Variants in C3 observed in about 807,000 individuals in gnomAD.
C3 encodes the protein complement C3.
Under a neutral mutation model 207.9 loss-of-function variants are expected in C3, and 97 were observed. That is an observed-to-expected ratio of 0.47 (90% CI 0.40 to 0.55). The LOEUF is 0.55. Ranked by LOEUF, C3 falls within the 20% of genes least tolerant of loss-of-function variation. The pLI is 0.00. For synonymous variants in C3, 848 were observed against 857.6 expected, an observed-to-expected ratio of 0.99 and a Z score of 0.20; for missense variants, 1,684 against 2,171.7, an observed-to-expected ratio of 0.78 and a Z score of 4.46.
Position 6,693,096 on chromosome 19 carries a change from C to T in C3, c.3231-13G>A, listed in dbSNP as rs762289151. The T allele has an allele frequency of 6.2e-7, 1 of 1,613,778 alleles. No homozygotes were observed. The highest frequency in any genetic ancestry group is 8.5e-7 in the Non-Finnish European group (1 of 1,179,936). On this transcript the variant is annotated splice_polypyrimidine_tract_variant and intron_variant, in intron 25 of 40. Transcript: ENST00000245907. ...GTAGGCGGTCAGCCTGGAGTGGGCACAGAGCATGAGCCAATCGGCTCTGAG... is the reference window on the plus strand; with the variant it reads ...GTAGGCGGTCAGCCTGGAGTGGGCATAGAGCATGAGCCAATCGGCTCTGAG...
In C3 at chr19:6,700,405, TG is replaced by T. The variant is rs1488310528; in HGVS notation, c.2440+1721del. Among the ~76,000 whole-genome samples the T allele has an allele frequency of 5.7e-5, 3 of 52,430 alleles. 1 individual carries two copies. The highest frequency in any genetic ancestry group is 8.3e-5 in the Non-Finnish European group (3 of 36,222). The allele number at this position is 52,430 out of a possible 152,430, so 34.4% of individuals were successfully genotyped here. On this transcript the variant is annotated intron_variant, in intron 19 of 40. Coordinates refer to ENST00000245907, the MANE Select transcript of C3 (RefSeq NM_000064.4). ...TGTAATATATGATATATATGTAATA[TG>T]ATATATTATATATGTAATATATGAT...
intron 4 of C3, 45 bp from the exon 5 acceptor site, chr19:6,714,491 G>C (rs376279783): frequency 7.2e-7 from 1 of 1,395,508 alleles, no homozygotes; most frequent in African/African-American, 1.4e-5. Flanking sequence ...GTGGCTCTTC[G>C]GAGGCTGGGC....
chr19:6,679,627 C>G lies in C3; in HGVS notation c.4457-131G>C, dbSNP rs911329088. On this transcript the variant is annotated intron_variant, in intron 36 of 40. Transcript: ENST00000245907. ...TAGGTCTTCAACCCCTCAGATCCCT[C>G]AGACCCCAAGACCCCCTCTACTTTC... The G allele has an allele frequency of 4.1e-6, 3 of 736,874 alleles. No homozygotes were observed. In the African/African-American group the frequency reaches 5.2e-5, roughly 13 times the overall value. 45.6% of individuals were successfully genotyped at this position (736,874 alleles called of 1,614,324 possible).
At chr19:6,710,118 G>C (rs1176879726) in intron 13 of C3, among the ~76,000 whole-genome samples, 1 of 140,784 alleles carries the variant, frequency 7.1e-6, no homozygotes, top group African/African-American at 2.7e-5. Flanking sequence ...GGAGAGTGAG[G>C]GGGGAGAGAG....
Position 6,693,093 on chromosome 19 carries a change from G to C in C3, c.3231-10C>G. 1 of 1,613,748 alleles carries C rather than the reference G, an allele frequency of 6.2e-7. No individual in the cohort carries two copies. The highest frequency in any genetic ancestry group is 8.5e-7 in the Non-Finnish European group (1 of 1,179,890). The stretch of plus-strand genomic sequence containing the variant: ...CACGTAGGCGGTCAGCCTGGAGTGG[G>C]CACAGAGCATGAGCCAATCGGCTCT... On this transcript the variant is annotated splice_polypyrimidine_tract_variant and intron_variant, in intron 25 of 40. Coordinates refer to ENST00000245907, the MANE Select transcript of C3 (RefSeq NM_000064.4).
rs553980299 is a variant in C3, at chr19:6,690,926, A to C, written c.3391-199T>G. 1.1e-4 allele frequency among the ~76,000 whole-genome samples: 16 copies of C among 152,330 alleles called. No individual in the cohort carries two copies. The South Asian group carries it at 3.3e-3, about 32-fold the overall frequency. ...GTTCCTTCTGCAAATGTCAATGTAC[A>C]ATGTGCAATGTACAATGGGTACAAC... On this transcript the variant is annotated intron_variant, in intron 26 of 40. Transcript: ENST00000245907.
At chr19:6,687,860 CTT>C (rs35034584) in intron 27 of C3, among the ~76,000 whole-genome samples, 8 of 140,224 alleles carry the variant, frequency 5.7e-5, no homozygotes, top group Non-Finnish European at 6.2e-5. Context: ...TTTGTTGTTG[CTT>C]TTTTTTTTTT....
At chr19:6,702,667 G>C in intron 17 of C3, 88 bp from the exon 18 acceptor site, 1 of 894,376 alleles carries the variant, frequency 1.1e-6, no homozygotes, top group South Asian at 1.3e-5. Context: ...GGAGGCCAAG[G>C]CAGGTGGATC....
intron 33 of C3, chr19:6,682,990 C>A (rs1356558054): frequency 1.3e-5 from 2 of 152,720 alleles, no homozygotes; most frequent in Admixed American, 1.3e-4. Context: ...TGATGTTGAC[C>A]CTGCTGCCAT....
intron 19 of C3, among the ~76,000 whole-genome samples, chr19:6,700,851 T>C (rs1470947976): frequency 6.8e-6 from 1 of 146,668 alleles, no homozygotes; most frequent in East Asian, 1.9e-4. Context: ...TAAATAAATA[T>C]TATAATTAAA....
rs1568213426 is a variant in C3, at chr19:6,689,326, TAC to T, written c.3489+1301_3489+1302del. On this transcript the variant is annotated intron_variant, in intron 27 of 40. Coordinates refer to ENST00000245907, the MANE Select transcript of C3 (RefSeq NM_000064.4). ...CTCTCTCTCTCTCTCTCTCTCTACC[TAC>T]CTCCCTCCCTCCCTCCCTCCCTCCC... Among the ~76,000 whole-genome samples, 149 of 62,470 alleles carry T rather than the reference TAC, an allele frequency of 2.4e-3. 7 individuals are homozygous for T. Among genetic ancestry groups the T allele is most frequent in the African/African-American group, 7.8e-3 (92 of 11,836 alleles). 41.0% of individuals were successfully genotyped at this position (62,470 alleles called of 152,430 possible).
intron 33 of C3, chr19:6,683,446 A>ATTCT (rs1917915555): frequency 1.1e-5 from 1 of 93,430 alleles, no homozygotes; most frequent in South Asian, 3.8e-4. Context: ...GTTTTATTCT[A>ATTCT]TTTTTTTTTT....
chr19:6,687,421 G>C (rs1918038397), intron 27 of C3, among the ~76,000 whole-genome samples: 1 of 152,068 alleles, frequency 6.6e-6, no homozygotes, highest in Non-Finnish European at 1.5e-5. Context: ...GTGTCATTCA[G>C]ATACCCACAC....
rs1049233502 is a variant in C3 at position 6,686,528 on chromosome 19, C to T, written c.3646+218G>A. ...GAATAAATGACGCAACAAACTTTCTCGTGTGGTTTACAATGAGGACCTGCG... is the reference window on the plus strand; with the variant it reads ...GAATAAATGACGCAACAAACTTTCTTGTGTGGTTTACAATGAGGACCTGCG... On this transcript the variant is annotated intron_variant, in intron 28 of 40. Transcript: ENST00000245907. The T allele has an allele frequency of 3.4e-5, 25 of 728,386 alleles. No homozygotes were observed. The Admixed American group carries it at 3.9e-4, about 11-fold the overall frequency. The allele number at this position is 728,386 out of a possible 1,614,324, so 45.1% of individuals were successfully genotyped here. A position where few individuals can be genotyped will look rare whatever the true frequency, so the allele number is the denominator to read the frequency against.
rs1918019867 is a variant in C3 at position 6,686,806 on chromosome 19, G to A, written c.3586C>T (p.Leu1196=). ...CCCTTCAGCCTGCCCATCTGGGCCA[G>A]AGCATAGCCAGCAATGGCCACAGTG... The part of the protein sequence containing the change: ...SYTVAIAGYA[L]AQMGRLKGPL... Residue 1196 remains leucine (L), a synonymous_variant, in exon 28 of 41, where the codon CTG becomes TTG. Transcript: ENST00000245907. 6.2e-7 allele frequency: 1 copy of A among 1,614,178 alleles called. No individual in the cohort carries two copies. Among genetic ancestry groups the A allele is most frequent in the Non-Finnish European group, 8.5e-7 (1 of 1,179,998 alleles).
Position 6,712,170 on chromosome 19 carries a change from G to A in C3, c.1269+87C>T, listed in dbSNP as rs1468811695. 8 of 1,526,276 alleles carry A rather than the reference G, an allele frequency of 5.2e-6. No individual in the cohort carries two copies. In the African/African-American group the frequency reaches 1.1e-4, roughly 21 times the overall value. 94.5% of individuals were successfully genotyped at this position (1,526,276 alleles called of 1,614,324 possible). On this transcript the variant is annotated intron_variant, in intron 11 of 40. Transcript: ENST00000245907. Reference sequence around the variant, plus strand: ...TCTATGCAGATGAGAATATCTGTATGCAAATGACAGGACCCCACTGTGCAA... The same window carrying A: ...TCTATGCAGATGAGAATATCTGTATACAAATGACAGGACCCCACTGTGCAA...
chr19:6,703,845 G>A (rs1967720760), intron 17 of C3, among the ~76,000 whole-genome samples: 1 of 152,102 alleles, frequency 6.6e-6, no homozygotes, highest in African/African-American at 2.4e-5. Flanking sequence ...CTACTCGGGA[G>A]GCTGAGGGAT....
intron 19 of C3, among the ~76,000 whole-genome samples, chr19:6,700,525 A>AAT (rs376554216): frequency 0.037 from 1,038 of 27,694 alleles, 248 homozygotes; most frequent in Middle Eastern, 0.062. Flanking sequence ...TAATATATGT[A>AAT]ATATGATATA....
intron 4 of C3, 117 bp downstream of exon 4, chr19:6,717,977 G>A (rs777431893): frequency 2.1e-6 from 2 of 948,914 alleles, no homozygotes; most frequent in Non-Finnish European, 3.4e-6. Flanking sequence ...ATATCTCTTT[G>A]CCTCTGTGTC....
Sources: allele counts gnomAD v4.1 joint callset (sites outside exome capture counted in the v4.1 genomes callset), GRCh38; gene constraint gnomAD v4.1.1; transcripts MANE v1.5; gene names NCBI Gene and HGNC (gene_info 2026-07-23, HGNC 2026-07-21).